Variants in RB1 observed in about 807,000 individuals in gnomAD.
RB1 encodes the protein retinoblastoma-associated protein.
In RB1, 18 loss-of-function variants were observed where a neutral mutation model predicts 135.4. The ratio of observed to expected loss-of-function variants is 0.13; its 90% CI spans 0.09 to 0.20. RB1 has a LOEUF of 0.20. RB1 is among the 10% of genes least tolerant of loss of function. The pLI, the probability that RB1 is intolerant of heterozygous loss-of-function variation, is 1.00. For synonymous variants in RB1, 365 were observed against 373.2 expected (o/e 0.98, Z 0.25); for missense variants, 868 against 1,110.0 (o/e 0.78, Z 3.10).
chr13:48,318,826 C>T, intron 2 of RB1: 2 of 988,464 alleles, frequency 2.0e-6, no homozygotes, highest in South Asian at 1.3e-5. Context: ...CAGCTCTCAC[C>T]TCTGGCCAGC....
intron 12 of RB1, 54 bp downstream of exon 12, chr13:48,373,546 A>G: frequency 1.7e-6 from 2 of 1,185,898 alleles, no homozygotes; most frequent in East Asian, 2.4e-5. Context: ...AGAAACTTGA[A>G]ATTAAAAGTT....
At chr13:48,408,255 GAATAT>G (rs1397853051) in intron 17 of RB1, among the ~76,000 whole-genome samples, 3 of 151,610 alleles carry the variant, frequency 2.0e-5, no homozygotes, top group African/African-American at 7.3e-5. Context: ...AATTTTCTGT[GAATAT>G]AATATATATA....
intron 2 of RB1, among the ~76,000 whole-genome samples, chr13:48,323,056 T>C (rs1461031827): frequency 6.6e-6 from 1 of 152,134 alleles, no homozygotes; most frequent in African/African-American, 2.4e-5. Flanking sequence ...AAGTGTTCCC[T>C]CCTCTTCTGT....
chr13:48,360,037 G>T lies in RB1; in HGVS notation c.628G>T (p.Asp210Tyr), dbSNP rs148992508. The T allele has an allele frequency of 8.3e-5, 134 of 1,612,152 alleles. 1 individual carries two copies. The highest frequency in any genetic ancestry group is 1.2e-5 in the Non-Finnish European group (14 of 1,179,156). ...TTCAGGGGAAGTATTACAAATGGAA[G>T]ATGATCTGGTGATTTCATTTCAGTT... Reference protein sequence around the residue: ...LAKGEVLQMEDDLVISFQLML... With the variant: ...LAKGEVLQMEYDLVISFQLML... Residue 210 changes from aspartate (D) to tyrosine (Y), a missense_variant, in exon 7 of 27, where the codon GAT becomes TAT. By Grantham distance (160) the Asp-to-Tyr change is radical. Coordinates refer to ENST00000267163, the MANE Select transcript of RB1 (RefSeq NM_000321.3).
intron 2 of RB1, among the ~76,000 whole-genome samples, chr13:48,314,286 C>T (rs183533543): frequency 8.1e-4 from 124 of 152,160 alleles, no homozygotes; most frequent in Admixed American, 2.9e-3. Flanking sequence ...GATCAATTTG[C>T]GGAATATTGC....
At chr13:48,338,417 A>C (rs1952405715) in intron 2 of RB1, among the ~76,000 whole-genome samples, 1 of 151,950 alleles carries the variant, frequency 6.6e-6, no homozygotes, top group Admixed American at 6.6e-5. Context: ...TTCTTGCTTC[A>C]TTTCATTCAT....
In RB1 at chr13:48,415,147, TGGC is replaced by T. The variant is rs575756997; in HGVS notation, c.1695+33708_1695+33710del. 5.5e-3 allele frequency among the ~76,000 whole-genome samples: 844 copies of T among 152,294 alleles called. 5 individuals carry two copies. Among genetic ancestry groups the T allele is most frequent in the Middle Eastern group, 0.01 (3 of 294 alleles). Reference sequence around the variant, plus strand: ...CCTACTTTTACTTTCATTTTGAATATGGCGGCATTTTCTCATTCAAATAATTAA... The same window carrying T: ...CCTACTTTTACTTTCATTTTGAATATGGCATTTTCTCATTCAAATAATTAA... On this transcript the variant is annotated intron_variant, in intron 17 of 26. Transcript: ENST00000267163.
intron 17 of RB1, chr13:48,389,471 G>C (rs994060265): frequency 2.6e-5 from 4 of 152,194 alleles, no homozygotes; most frequent in Non-Finnish European, 5.9e-5. Flanking sequence ...ATGTGAAGTA[G>C]AGGGAATATA....
chr13:48,367,857 G>T (rs1300560588), intron 10 of RB1, among the ~76,000 whole-genome samples: 2 of 152,088 alleles, frequency 1.3e-5, no homozygotes. Flanking sequence ...TTTAAAATGT[G>T]CACCAAAAGA....
intron 12 of RB1, among the ~76,000 whole-genome samples, chr13:48,374,371 T>G (rs1436405972): frequency 6.6e-6 from 1 of 152,174 alleles, no homozygotes; most frequent in Non-Finnish European, 1.5e-5. Context: ...AAATTGGACA[T>G]AGGGTCAGGA....
rs184254590 is a variant in RB1 at position 48,429,006 on chromosome 13, T to G, written c.1696-23987T>G. ...AGCTGCATGCTTGTGGCTATAAAGC[T>G]ATTCTCTGATATACCTGAATTCTTT... On this transcript the variant is annotated intron_variant, in intron 17 of 26. Coordinates refer to ENST00000267163, the MANE Select transcript of RB1 (RefSeq NM_000321.3). 7.7e-4 allele frequency among the ~76,000 whole-genome samples: 118 copies of G among 152,360 alleles called. 1 individual carries two copies. Among genetic ancestry groups the G allele is most frequent in the African/African-American group, 2.8e-3 (117 of 41,586 alleles).
chr13:48,421,810 A>G (rs148244979), intron 17 of RB1, among the ~76,000 whole-genome samples: 54 of 152,354 alleles, frequency 3.5e-4, no homozygotes, highest in African/African-American at 1.3e-3. Flanking sequence ...AATCAAAACC[A>G]CAATGAGATA....
chr13:48,363,068 C>A, intron 8 of RB1, 111 bp downstream of exon 8: 2 of 1,358,826 alleles, frequency 1.5e-6, no homozygotes, highest in South Asian at 1.3e-5. Context: ...GTAATTAGTG[C>A]TAACTCTTTT....
chr13:48,456,446 A>G, intron 19 of RB1, 97 bp downstream of exon 19: 1 of 1,489,090 alleles, frequency 6.7e-7, no homozygotes, highest in Non-Finnish European at 9.1e-7. Context: ...TTACTGGGCA[A>G]GTCACTTAAT....
chr13:48,456,264 T>C lies in RB1; in HGVS notation c.1875T>C (p.Thr625=), dbSNP rs2138331253. 1 of 1,614,206 alleles carries C rather than the reference T, an allele frequency of 6.2e-7. No individual in the cohort carries two copies. ...GTTCAACTACGCGTGTAAATTCTACTGCAAATGCAGAGACACAAGCAACCT... is the reference window on the plus strand; with the variant it reads ...GTTCAACTACGCGTGTAAATTCTACCGCAAATGCAGAGACACAAGCAACCT... The part of the protein sequence containing the change: ...KKGSTTRVNS[T]ANAETQATSA... Residue 625 remains threonine (T), a synonymous_variant, in exon 19 of 27, where the codon ACT becomes ACC. Coordinates refer to ENST00000267163, the MANE Select transcript of RB1 (RefSeq NM_000321.3).
rs1307227665 is a variant in RB1 at position 48,437,653 on chromosome 13, T to C, written c.1696-15340T>C. On this transcript the variant is annotated intron_variant, in intron 17 of 26. Coordinates refer to ENST00000267163, the MANE Select transcript of RB1 (RefSeq NM_000321.3). ...GCCAGGGGCTTCATTTTTTTTGCCA[T>C]GTGAGCCTCTCCGTAGGGCTACTCC... 2.6e-5 allele frequency among the ~76,000 whole-genome samples: 4 copies of C among 152,218 alleles called. No homozygotes were observed. The South Asian group carries it at 6.2e-4, about 24-fold the overall frequency.
rs776159301 is a variant in RB1 at position 48,480,074 on chromosome 13, A to G, written c.*3A>G. On this transcript the variant is annotated 3_prime_UTR_variant, in exon 27 of 27. Coordinates refer to ENST00000267163, the MANE Select transcript of RB1 (RefSeq NM_000321.3). ...CCTCAAACAAGGAAGAGAAATGAGG[A>G]TCTCAGGACCTTGGTGGACACTGTG... The G allele has an allele frequency of 1.2e-6, 2 of 1,609,152 alleles. No homozygotes were observed. Among genetic ancestry groups the G allele is most frequent in the Non-Finnish European group, 1.7e-6 (2 of 1,175,856 alleles).
chr13:48,382,448 GTGATGA>G (rs1207031183), intron 17 of RB1, among the ~76,000 whole-genome samples: 3 of 152,178 alleles, frequency 2.0e-5, no homozygotes, highest in Non-Finnish European at 4.4e-5. Flanking sequence ...CTGATGGCCA[GTGATGA>G]TGAGCATTTT....
intron 2 of RB1, among the ~76,000 whole-genome samples, chr13:48,321,403 C>T (rs1952239267): frequency 6.7e-6 from 1 of 148,256 alleles, no homozygotes. Flanking sequence ...CCCCGCGCGC[C>T]GCTGCCACCG....
Sources: gnomAD v4.1 joint callset for allele counts (sites outside exome capture counted in the v4.1 genomes callset) on GRCh38, gnomAD v4.1.1 for gene constraint, MANE v1.5 for transcripts, NCBI Gene and HGNC (gene_info 2026-07-23, HGNC 2026-07-21) for gene names.